The following ENO4 variants were observed in gnomAD, a reference collection of about 807,000 sequenced individuals.
The protein encoded by ENO4 is enolase 4, also known as 2-phospho-D-glycerate hydro-lyase.
In ENO4, 53 loss-of-function variants were observed where a neutral mutation model predicts 63.2. The ratio of observed to expected loss-of-function variants is 0.84; its 90% CI spans 0.67 to 1.05. The LOEUF is 1.05. Ranked by LOEUF, ENO4 falls within the 50% of genes least tolerant of loss-of-function variation. The probability of loss-of-function intolerance (pLI) is 0.00; values close to 1 mark genes in which losing one functional copy is unlikely to be tolerated. For missense variants in ENO4, 719 were observed against 772.0 expected, an observed-to-expected ratio of 0.93 and a Z score of 0.81; for synonymous variants, 266 against 283.8, an observed-to-expected ratio of 0.94 and a Z score of 0.63.
At chr10:116,881,075 A>G (rs1278837396) in intron 13 of ENO4, among the ~76,000 whole-genome samples, 3 of 152,204 alleles carry the variant, frequency 2.0e-5, no homozygotes, top group Non-Finnish European at 2.9e-5. Context: ...TTAGAGTAGG[A>G]AATCTTGGCA....
downstream of ENO4, among the ~76,000 whole-genome samples, chr10:116,887,323 G>T (rs1443662940): frequency 6.6e-6 from 1 of 152,194 alleles, no homozygotes; most frequent in African/African-American, 2.4e-5. Flanking sequence ...TTCATTATGG[G>T]AACAGATATC....
downstream of ENO4, chr10:116,884,846 A>C (rs1847116129): frequency 6.5e-6 from 1 of 154,522 alleles, no homozygotes; most frequent in African/African-American, 2.4e-5. Flanking sequence ...AGGAGAGTTC[A>C]AATTACAGCA....
chr10:116,906,271 A>T (rs954580263), intron 10 of ENO4, among the ~76,000 whole-genome samples: 8 of 152,212 alleles, frequency 5.3e-5, no homozygotes, highest in Admixed American at 6.5e-5. Context: ...ACCAGCTGGT[A>T]TACAAGAGAA....
chr10:116,859,098 AC>A lies in ENO4; in HGVS notation c.599del (p.Pro200LeufsTer39). The A allele has an allele frequency of 2.0e-6, 3 of 1,493,140 alleles. No homozygotes were observed. Among genetic ancestry groups the A allele is most frequent in the Non-Finnish European group, 2.7e-6 (3 of 1,113,834 alleles). The allele number at this position is 1,493,140 out of a possible 1,614,324, so 92.5% of individuals were successfully genotyped here. A position where few individuals can be genotyped will look rare whatever the true frequency, so the allele number is the denominator to read the frequency against. ...CTCTACCTCCAGTACCACCACCACC[AC>A]CCCCTCCACCTCCTACCAAAAAAAA... is the stretch of plus-strand genomic sequence containing the variant. ...TPLPPVPPPP[P>X]PPPPTKKKGQ... On this transcript the variant is annotated frameshift_variant, in exon 4 of 14. Coordinates refer to ENST00000341276, the MANE Select transcript of ENO4 (RefSeq NM_001242699.2). LOFTEE classifies it high-confidence loss of function.
intron 10 of ENO4, among the ~76,000 whole-genome samples, chr10:116,890,891 C>G (rs934697725): frequency 1.3e-5 from 2 of 152,220 alleles, no homozygotes; most frequent in African/African-American, 2.4e-5. Context: ...GATGAAAATG[C>G]AGCATTCTAA....
At chr10:116,872,129 G>A (rs1015311208) in intron 9 of ENO4, among the ~76,000 whole-genome samples, 31 of 152,102 alleles carry the variant, frequency 2.0e-4, no homozygotes, top group Admixed American at 1.6e-3. Context: ...CCCAGGAGGC[G>A]GAGGTTGCAG....
chr10:116,911,879 A>G, downstream of ENO4: 2 of 1,495,704 alleles, frequency 1.3e-6, no homozygotes, highest in Non-Finnish European at 1.9e-6. Context: ...TCACTGAGTA[A>G]TTCAGTTTAA....
At chr10:116,866,034 AC>A (rs1310144116) in intron 7 of ENO4, among the ~76,000 whole-genome samples, 5 of 152,230 alleles carry the variant, frequency 3.3e-5, no homozygotes, top group African/African-American at 9.6e-5. Flanking sequence ...CTCACCCAAG[AC>A]CCCCAGGTCG....
intron 8 of ENO4, among the ~76,000 whole-genome samples, chr10:116,869,419 C>T (rs1488739649): frequency 1.3e-5 from 2 of 152,178 alleles, no homozygotes; most frequent in Admixed American, 6.5e-5. Flanking sequence ...AGCGAACAAT[C>T]TTTGCCCCAC....
chr10:116,859,190 G>C, intron 4 of ENO4, 52 bp downstream of exon 4: 1 of 1,465,210 alleles, frequency 6.8e-7, no homozygotes, highest in Non-Finnish European at 9.0e-7. Flanking sequence ...GTGTGAGGAA[G>C]AAAGGCTGAA....
At chr10:116,856,821 C>G (rs966934387) in intron 3 of ENO4, 139 bp downstream of exon 3, 3 of 691,048 alleles carry the variant, frequency 4.3e-6, no homozygotes, top group Non-Finnish European at 6.7e-6. Flanking sequence ...AACCCAGTCT[C>G]TACTCAAAAT....
Position 116,879,281 on chromosome 10 carries a change from C to A in ENO4, c.1538-10C>A. The A allele has an allele frequency of 6.5e-7, 1 of 1,542,374 alleles. No individual in the cohort carries two copies. The highest frequency in any genetic ancestry group is 1.4e-5 in the African/African-American group (1 of 72,832). Reference sequence around the variant, plus strand: ...ACACCATATAAAACTGAAAGAAATTCCTCTTCCAGGTAAGAAGCACATCAC... The same window carrying A: ...ACACCATATAAAACTGAAAGAAATTACTCTTCCAGGTAAGAAGCACATCAC... On this transcript the variant is annotated splice_polypyrimidine_tract_variant and intron_variant, in intron 11 of 13. Transcript: ENST00000341276.
intron 6 of ENO4, 111 bp downstream of exon 6, chr10:116,861,301 G>T (rs1187349610): frequency 6.2e-6 from 2 of 324,620 alleles, no homozygotes; most frequent in African/African-American, 2.2e-5. Context: ...AGGATAAAAT[G>T]AGAAAAAAAA....
chr10:116,902,032 A>G (rs1847759699), intron 10 of ENO4: 1 of 1,311,338 alleles, frequency 7.6e-7, no homozygotes, highest in African/African-American at 1.5e-5. Flanking sequence ...AAAACAGATT[A>G]GCTGAAAATC....
chr10:116,909,359 A>C (rs1473745911), intron 10 of ENO4, among the ~76,000 whole-genome samples: 3 of 152,206 alleles, frequency 2.0e-5, no homozygotes, highest in Non-Finnish European at 4.4e-5. Flanking sequence ...TGGAAAACTG[A>C]AGATGTCTGG....
At chr10:116,868,596 G>A in intron 7 of ENO4, 54 bp from the exon 8 acceptor site, 1 of 1,483,392 alleles carries the variant, frequency 6.7e-7, no homozygotes, top group Non-Finnish European at 9.2e-7. Context: ...TTTGCTTGCT[G>A]CCACAGCCAT....
intron 10 of ENO4, among the ~76,000 whole-genome samples, chr10:116,900,092 A>G (rs979002875): frequency 6.6e-6 from 1 of 152,252 alleles, no homozygotes; most frequent in Non-Finnish European, 1.5e-5. Flanking sequence ...ATTATACTTA[A>G]GAAACAGATT....
At chr10:116,895,233 A>AAAT (rs1847476951) in intron 10 of ENO4, among the ~76,000 whole-genome samples, 1 of 152,166 alleles carries the variant, frequency 6.6e-6, no homozygotes, top group African/African-American at 2.4e-5. Flanking sequence ...AAGGTATTTG[A>AAAT]CTTCTGGGAA....
intron 10 of ENO4, chr10:116,900,298 A>C (rs1847684988): frequency 3.7e-6 from 2 of 540,648 alleles, no homozygotes; most frequent in African/African-American, 3.8e-5. Context: ...TGTGTCTCTT[A>C]AGCAGTCATT....
Sources: allele counts gnomAD v4.1 joint callset (sites outside exome capture counted in the v4.1 genomes callset), GRCh38; gene constraint gnomAD v4.1.1; transcripts MANE v1.5; gene names NCBI Gene and HGNC (gene_info 2026-07-23, HGNC 2026-07-21).